SNRPN: variants seen among roughly 807,000 people sequenced by gnomAD.
SNRPN encodes the protein small nuclear ribonucleoprotein-associated protein N.
Under a neutral mutation model 25.2 loss-of-function variants are expected in SNRPN, and 7 were observed. The ratio of observed to expected loss-of-function variants is 0.28; its 90% CI spans 0.16 to 0.52. The LOEUF (loss-of-function observed/expected upper bound fraction) is 0.52. SNRPN is among the 20% of genes least tolerant of loss of function. SNRPN has a pLI of 0.96. For synonymous variants in SNRPN, 124 were observed against 110.6 expected (o/e 1.12, Z -0.76); for missense variants, 196 against 322.5 (o/e 0.61, Z 3.00).
intron 2 of SNRPN, among the ~76,000 whole-genome samples, chr15:24,830,558 A>G (rs773750776): frequency 6.6e-6 from 1 of 152,092 alleles, no homozygotes; most frequent in Non-Finnish European, 1.5e-5. Context: ...TTTCTAATAT[A>G]TACACACTCA....
At chr15:24,893,510 C>T (rs532659034) in intron 2 of SNRPN, among the ~76,000 whole-genome samples, 2 of 151,558 alleles carry the variant, frequency 1.3e-5, no homozygotes, top group Admixed American at 6.6e-5. Flanking sequence ...CCCAGCTACT[C>T]GGGAGGCTGA....
At chr15:24,863,052 G>A (rs963026042) in intron 1 of SNRPN, among the ~76,000 whole-genome samples, 2 of 150,922 alleles carry the variant, frequency 1.3e-5, no homozygotes, top group South Asian at 4.2e-4. Context: ...CTTCTTTTAA[G>A]TGTTACTCAC....
At chr15:24,962,072 T>G (rs996037904) in intron 1 of SNRPN, 42 bp from the exon 2 acceptor site, 7 of 1,444,408 alleles carry the variant, frequency 4.8e-6, no homozygotes, top group Non-Finnish European at 6.8e-6. Context: ...TTTCATAGAT[T>G]GATGCAGTCT....
intron 2 of SNRPN, among the ~76,000 whole-genome samples, chr15:24,841,087 C>A (rs1222212480): frequency 6.6e-6 from 1 of 152,198 alleles, no homozygotes; most frequent in African/African-American, 2.4e-5. Flanking sequence ...GATTCACCCA[C>A]TTCAGCCTCC....
At chr15:24,876,881 A>C (rs2055953047) in intron 1 of SNRPN, among the ~76,000 whole-genome samples, 1 of 152,212 alleles carries the variant, frequency 6.6e-6, no homozygotes, top group African/African-American at 2.4e-5. Context: ...GAGAGCAGCA[A>C]TTTCAGTACA....
At chr15:24,902,154 A>G (rs2058499112) in intron 2 of SNRPN, among the ~76,000 whole-genome samples, 3 of 152,168 alleles carry the variant, frequency 2.0e-5, no homozygotes, top group African/African-American at 4.8e-5. Flanking sequence ...TCTTTGTTGC[A>G]TGTGGTAGAT....
At position 24,974,304 on chromosome 15, in the gene SNRPN, T is replaced by C; in HGVS notation, c.-143-7T>C. 1 of 717,434 alleles carries C rather than the reference T, an allele frequency of 1.4e-6. No homozygotes were observed. The highest frequency in any genetic ancestry group is 2.5e-6 in the Non-Finnish European group (1 of 397,200). The allele number at this position is 717,434 out of a possible 1,614,324, so 44.4% of individuals were successfully genotyped here. On this transcript the variant is annotated splice_polypyrimidine_tract_variant and splice_region_variant and intron_variant, in intron 3 of 9. Transcript: ENST00000390687. Reference sequence around the variant, plus strand: ...GCAGTGCAGCTTTAACATGCTTTCCTCTGCAGGCTCCATCTACTCTTTGAA... The same window carrying C: ...GCAGTGCAGCTTTAACATGCTTTCCCCTGCAGGCTCCATCTACTCTTTGAA...
intron 2 of SNRPN, chr15:24,911,211 A>G (rs1476859950): frequency 1.7e-5 from 8 of 473,068 alleles, no homozygotes; most frequent in Non-Finnish European, 2.2e-5. Context: ...TTGGAAAATT[A>G]ACAGCCTGGC....
intron 2 of SNRPN, among the ~76,000 whole-genome samples, chr15:24,913,917 A>G (rs2059368676): frequency 6.6e-6 from 1 of 152,214 alleles, no homozygotes; most frequent in African/African-American, 2.4e-5. Context: ...AAGATAAAGA[A>G]AAAGGAGATT....
At chr15:24,959,785 A>G (rs1239021563) in intron 1 of SNRPN, among the ~76,000 whole-genome samples, 3 of 152,198 alleles carry the variant, frequency 2.0e-5, no homozygotes, top group Non-Finnish European at 4.4e-5. Flanking sequence ...GTTGATGGAC[A>G]TTTGAGTTGT....
At chr15:24,855,138 CAG>C (rs1204183094), upstream of SNRPN, among the ~76,000 whole-genome samples, 1 of 152,102 alleles carries the variant, frequency 6.6e-6, no homozygotes, top group African/African-American at 2.4e-5. Flanking sequence ...TCTGATTTGT[CAG>C]TGGTTTTATT....
chr15:24,895,877 T>C (rs1273045868), intron 2 of SNRPN, among the ~76,000 whole-genome samples: 1 of 152,094 alleles, frequency 6.6e-6, no homozygotes, highest in Non-Finnish European at 1.5e-5. Context: ...GAACACCACA[T>C]AGTCACAGCG....
At chr15:24,843,004 T>A (rs1339025490) in intron 2 of SNRPN, among the ~76,000 whole-genome samples, 4 of 152,326 alleles carry the variant, frequency 2.6e-5, no homozygotes, top group Admixed American at 6.5e-5. Flanking sequence ...ATGTTTACTG[T>A]ATCAATGGTT....
chr15:24,978,499 T>A lies in SNRPN; in HGVS notation c.*55T>A. On this transcript the variant is annotated 3_prime_UTR_variant, in exon 10 of 10. Coordinates refer to ENST00000390687, the MANE Select transcript of SNRPN (RefSeq NM_003097.6). ...TCCCCTGCAATGCGTCTTGTGAAAT[T>A]GTGTAGAGTGTTTGTGAGCTTTTTG... 6.7e-7 allele frequency: 1 copy of A among 1,501,686 alleles called. No homozygotes were observed. The highest frequency in any genetic ancestry group is 9.3e-7 in the Non-Finnish European group (1 of 1,079,756). 93.0% of individuals were successfully genotyped at this position (1,501,686 alleles called of 1,614,324 possible).
chr15:24,866,565 TC>T (rs1435415595), intron 1 of SNRPN, among the ~76,000 whole-genome samples: 20 of 152,240 alleles, frequency 1.3e-4, no homozygotes, highest in Non-Finnish European at 2.9e-5. Flanking sequence ...GCCCAGCTAA[TC>T]TTTAGCGTTT....
chr15:24,833,540 A>G (rs1254392121), intron 2 of SNRPN, among the ~76,000 whole-genome samples: 1 of 152,124 alleles, frequency 6.6e-6, no homozygotes, highest in African/African-American at 2.4e-5. Flanking sequence ...AAGAAAAGGT[A>G]TGTAAAATTT....
At chr15:24,829,358 T>G (rs549492333) in intron 1 of SNRPN, among the ~76,000 whole-genome samples, 16 of 150,662 alleles carry the variant, frequency 1.1e-4, no homozygotes, top group African/African-American at 3.9e-4. Flanking sequence ...TTGTGGAGAG[T>G]GAGGAGCAGT....
intron 3 of SNRPN, among the ~76,000 whole-genome samples, chr15:24,945,214 T>C (rs2061801357): frequency 6.6e-6 from 1 of 152,156 alleles, no homozygotes. Flanking sequence ...TGGCTGTGGC[T>C]GTGTTCCAAG....
Position 24,976,364 on chromosome 15 carries a change from T to C in SNRPN, c.215T>C (p.Leu72Pro). The C allele has an allele frequency of 6.2e-7, 1 of 1,613,460 alleles. No individual in the cohort carries two copies. Among genetic ancestry groups the C allele is most frequent in the Non-Finnish European group, 8.5e-7 (1 of 1,179,850 alleles). Residue 72 changes from leucine to proline, a missense_variant, in exon 6 of 10, where the codon CTG becomes CCG. Physicochemically the swap from Leu to Pro is moderately conservative, Grantham distance 98. Transcript: ENST00000390687. ...EEKRVLGLVL[L>P]RGENLVSMTV... ...AAGCGGGTTTTGGGTCTGGTGTTGC[T>C]GCGTGGGGAGAACTTGGTATCCATG...
Sources: gnomAD v4.1 joint callset for allele counts (sites outside exome capture counted in the v4.1 genomes callset) on GRCh38, gnomAD v4.1.1 for gene constraint, MANE v1.5 for transcripts, NCBI Gene and HGNC (gene_info 2026-07-23, HGNC 2026-07-21) for gene names.